The following FMNL2 variants were observed in gnomAD, a reference collection of about 807,000 sequenced individuals.
The protein encoded by FMNL2 is formin like 2.
FMNL2 carries 51 observed loss-of-function variants against 130.2 expected under a neutral mutation model. The observed-to-expected ratio is 0.39, with a 90% CI of 0.31 to 0.49. The LOEUF (loss-of-function observed/expected upper bound fraction) is 0.49. Among genes scored for constraint, FMNL2 ranks in the 20% least tolerant of loss-of-function variants. FMNL2 has a pLI of 0.85. For synonymous variants in FMNL2, 465 were observed against 467.1 expected, an observed-to-expected ratio of 1.00 and a Z score of 0.06; for missense variants, 977 against 1,316.2, an observed-to-expected ratio of 0.74 and a Z score of 3.99.
chr2:152,487,928 C>T (rs1690926107), intron 1 of FMNL2, among the ~76,000 whole-genome samples: 1 of 152,052 alleles, frequency 6.6e-6, no homozygotes, highest in Non-Finnish European at 1.5e-5. Context: ...GCTGGGATTA[C>T]AGGCGCACAC....
intron 1 of FMNL2, among the ~76,000 whole-genome samples, chr2:152,475,791 G>A (rs929052342): frequency 5.9e-5 from 9 of 152,102 alleles, no homozygotes; most frequent in East Asian, 5.8e-4. Flanking sequence ...GAGCCACCGC[G>A]CCTGGCCAAG....
chr2:152,396,602 G>A (rs1238025586), intron 1 of FMNL2, among the ~76,000 whole-genome samples: 2 of 152,084 alleles, frequency 1.3e-5, no homozygotes, highest in African/African-American at 4.8e-5. Context: ...CCATGCCTCT[G>A]GACATCTTTC....
At chr2:152,596,215 G>T (rs560554553) in intron 9 of FMNL2, among the ~76,000 whole-genome samples, 1 of 151,982 alleles carries the variant, frequency 6.6e-6, no homozygotes, top group South Asian at 2.1e-4. Context: ...CGCCCACCTC[G>T]GCCTCCCGCA....
intron 1 of FMNL2, among the ~76,000 whole-genome samples, chr2:152,343,102 A>G (rs1406346791): frequency 6.6e-6 from 1 of 152,116 alleles, no homozygotes; most frequent in African/African-American, 2.4e-5. Context: ...CTCATTTCAC[A>G]TGTAACCTTA....
At chr2:152,609,797 A>C (rs1198775840) in intron 10 of FMNL2, among the ~76,000 whole-genome samples, 2 of 152,174 alleles carry the variant, frequency 1.3e-5, no homozygotes. Context: ...AGGTTTGGAG[A>C]GAGACAAGGA....
intron 1 of FMNL2, among the ~76,000 whole-genome samples, chr2:152,434,783 C>T (rs540357095): frequency 3.3e-5 from 5 of 152,104 alleles, no homozygotes; most frequent in South Asian, 4.1e-4. Context: ...TGCTACTTTG[C>T]GGAAGCTTAA....
intron 1 of FMNL2, among the ~76,000 whole-genome samples, chr2:152,383,353 A>G (rs1428742356): frequency 1.0e-5 from 1 of 96,314 alleles, no homozygotes; most frequent in Non-Finnish European, 2.0e-5. Context: ...ATTTCCTTTT[A>G]TAAGATAAAT....
At chr2:152,626,938 A>G (rs565636506) in intron 17 of FMNL2, among the ~76,000 whole-genome samples, 1 of 152,346 alleles carries the variant, frequency 6.6e-6, no homozygotes, top group South Asian at 2.1e-4. Context: ...TAGACCAGAA[A>G]TCACCCTGGG....
intron 1 of FMNL2, among the ~76,000 whole-genome samples, chr2:152,414,849 C>T (rs1230430530): frequency 1.3e-5 from 2 of 152,216 alleles, no homozygotes; most frequent in African/African-American, 4.8e-5. Context: ...TAACTGTCAG[C>T]CATACCTGTG....
intron 25 of FMNL2, among the ~76,000 whole-genome samples, chr2:152,647,312 A>T (rs1256752732): frequency 6.6e-6 from 1 of 152,254 alleles, no homozygotes; most frequent in Admixed American, 6.5e-5. Flanking sequence ...TAATGGAATG[A>T]AAATAATAGA....
intron 1 of FMNL2, among the ~76,000 whole-genome samples, chr2:152,378,709 A>G (rs1225585036): frequency 2.6e-5 from 4 of 152,214 alleles, no homozygotes; most frequent in Non-Finnish European, 5.9e-5. Flanking sequence ...GAAGTGGTCC[A>G]TGACCTGTCT....
intron 1 of FMNL2, among the ~76,000 whole-genome samples, chr2:152,422,904 A>G (rs1686994309): frequency 6.6e-6 from 1 of 152,216 alleles, no homozygotes; most frequent in Non-Finnish European, 1.5e-5. Context: ...CCATTGCCCC[A>G]AAAGAAACTT....
At chr2:152,617,054 C>T in intron 12 of FMNL2, 37 bp from the exon 13 acceptor site, 2 of 1,575,272 alleles carry the variant, frequency 1.3e-6, no homozygotes, top group Non-Finnish European at 1.7e-6. Flanking sequence ...TCAAGATGAT[C>T]CTGTATTGTG....
At chr2:152,504,467 G>A (rs969383941) in intron 1 of FMNL2, among the ~76,000 whole-genome samples, 6 of 151,688 alleles carry the variant, frequency 4.0e-5, no homozygotes, top group South Asian at 2.1e-4. Flanking sequence ...GGCTGGTCTC[G>A]AATTCCTGAC....
At chr2:152,571,695 CGAA>C (rs1240650956) in intron 6 of FMNL2, among the ~76,000 whole-genome samples, 3 of 152,128 alleles carry the variant, frequency 2.0e-5, no homozygotes, top group Non-Finnish European at 4.4e-5. Flanking sequence ...GTTTGGAAAA[CGAA>C]GAAAGTTTAG....
intron 1 of FMNL2, among the ~76,000 whole-genome samples, chr2:152,475,489 T>TTTTTG (rs70974864): frequency 0.041 from 6,244 of 151,894 alleles, 430 homozygotes; most frequent in African/African-American, 0.14. Context: ...TTCATTTTGT[T>TTTTTG]TTTTGTTTTG....
intron 9 of FMNL2, among the ~76,000 whole-genome samples, chr2:152,600,117 C>T (rs1018711443): frequency 1.3e-5 from 2 of 152,174 alleles, no homozygotes; most frequent in African/African-American, 4.8e-5. Flanking sequence ...TATGAAATAA[C>T]TGTTTACTTC....
chr2:152,466,395 T>G (rs947376003), intron 1 of FMNL2, among the ~76,000 whole-genome samples: 2 of 152,230 alleles, frequency 1.3e-5, no homozygotes, highest in African/African-American at 4.8e-5. Flanking sequence ...TGTTTCTCTT[T>G]AAAGTTTTCT....
chr2:152,376,612 G>A (rs1440033854), intron 1 of FMNL2, among the ~76,000 whole-genome samples: 1 of 152,196 alleles, frequency 6.6e-6, no homozygotes, highest in Non-Finnish European at 1.5e-5. Context: ...TGCCTTACCT[G>A]TAGGGAAAGG....
Sources: allele counts gnomAD v4.1 joint callset (sites outside exome capture counted in the v4.1 genomes callset), GRCh38; gene constraint gnomAD v4.1.1; transcripts MANE v1.5; gene names NCBI Gene and HGNC (gene_info 2026-07-23, HGNC 2026-07-21).